The following SEMA5A variants were observed in gnomAD, a reference collection of about 807,000 sequenced individuals.
SEMA5A encodes the protein semaphorin 5A.
In SEMA5A, 55 loss-of-function variants were observed where a neutral mutation model predicts 135.5. The observed-to-expected ratio is 0.41, with a 90% CI of 0.33 to 0.51. The LOEUF is 0.51. Among genes scored for constraint, SEMA5A ranks in the 20% least tolerant of loss-of-function variants. The pLI is 0.37. For missense variants in SEMA5A, 1,290 were observed against 1,419.9 expected (o/e 0.91, Z 1.47); for synonymous variants, 580 against 546.5 (o/e 1.06, Z -0.85).
chr5:9,156,793 T>C (rs981154099), intron 11 of SEMA5A, among the ~76,000 whole-genome samples: 4 of 152,242 alleles, frequency 2.6e-5, no homozygotes, highest in African/African-American at 9.6e-5. Flanking sequence ...TTATTATTTA[T>C]TTTGTTGAAG....
intron 1 of SEMA5A, among the ~76,000 whole-genome samples, chr5:9,541,166 C>T (rs3798088): frequency 0.82 from 124,483 of 152,130 alleles, 50,987 homozygotes; most frequent in Middle Eastern, 0.85. Flanking sequence ...CTATAACTTA[C>T]TTAATTTCAC....
intron 16 of SEMA5A, among the ~76,000 whole-genome samples, chr5:9,077,715 C>T (rs958268226): frequency 2.0e-5 from 3 of 152,342 alleles, no homozygotes; most frequent in African/African-American, 7.2e-5. Context: ...GGGTAACTGA[C>T]ACCCTCACTG....
At chr5:9,448,985 T>G (rs777478348) in intron 1 of SEMA5A, among the ~76,000 whole-genome samples, 1 of 152,214 alleles carries the variant, frequency 6.6e-6, no homozygotes, top group Non-Finnish European at 1.5e-5. Flanking sequence ...CGTAAATTAA[T>G]TCAACCATTT....
intron 3 of SEMA5A, among the ~76,000 whole-genome samples, chr5:9,363,104 A>C (rs1754767622): frequency 6.6e-6 from 1 of 152,208 alleles, no homozygotes. Flanking sequence ...TGTTCATGAG[A>C]TCTTATAACC....
chr5:9,233,330 G>C (rs1747734092), intron 6 of SEMA5A, among the ~76,000 whole-genome samples: 1 of 152,174 alleles, frequency 6.6e-6, no homozygotes, highest in African/African-American at 2.4e-5. Flanking sequence ...GACTATTTGT[G>C]TTTAAAATAA....
At chr5:9,221,440 C>G (rs886683222) in intron 8 of SEMA5A, among the ~76,000 whole-genome samples, 1 of 150,658 alleles carries the variant, frequency 6.6e-6, no homozygotes, top group African/African-American at 2.4e-5. Flanking sequence ...GTAGCTGGGA[C>G]TACAGGCGCC....
In SEMA5A at chr5:9,166,277, G is replaced by A. The variant is rs79844698; in HGVS notation, c.1274-11582C>T. 5.9e-5 allele frequency among the ~76,000 whole-genome samples: 9 copies of A among 152,208 alleles called. No homozygotes were observed. The East Asian group carries it at 1.7e-3, about 30-fold the overall frequency. On this transcript the variant is annotated intron_variant, in intron 11 of 22. Transcript: ENST00000382496. ...CTGGCACATAGTAGGTGCTCAAGCAGAGACATGTTCATTGTGTGGCCTCTG... is the reference window on the plus strand; with the variant it reads ...CTGGCACATAGTAGGTGCTCAAGCAAAGACATGTTCATTGTGTGGCCTCTG...
At chr5:9,265,507 G>C (rs1268271343) in intron 5 of SEMA5A, 5 of 456,300 alleles carry the variant, frequency 1.1e-5, no homozygotes, top group Non-Finnish European at 2.2e-5. Context: ...CTCCCATGTG[G>C]CTTTGTGTGG....
chr5:9,357,718 G>A (rs1754515457), intron 3 of SEMA5A, among the ~76,000 whole-genome samples: 2 of 152,156 alleles, frequency 1.3e-5, no homozygotes, highest in Non-Finnish European at 2.9e-5. Context: ...ATCAAGGCGG[G>A]AAGCCCCAGG....
chr5:9,058,937 G>A (rs1349241647), intron 18 of SEMA5A, among the ~76,000 whole-genome samples: 1 of 152,172 alleles, frequency 6.6e-6, no homozygotes, highest in Non-Finnish European at 1.5e-5. Flanking sequence ...AGGACTCCAA[G>A]AATGCAAAGG....
chr5:9,123,950 G>A lies in SEMA5A; in HGVS notation c.1600-1113C>T, dbSNP rs571677437. ...GCTCACAAGGTCTGGGAAGAGCAAC[G>A]AGGAGCCTGTGTTGAGTCTTAAAAA... On this transcript the variant is annotated intron_variant, in intron 13 of 22. Coordinates refer to ENST00000382496, the MANE Select transcript of SEMA5A (RefSeq NM_003966.3). 1.3e-3 allele frequency among the ~76,000 whole-genome samples: 198 copies of A among 152,238 alleles called. 2 individuals are homozygous for A. Among genetic ancestry groups the A allele is most frequent in the African/African-American group, 4.6e-3 (190 of 41,556 alleles).
At chr5:9,528,025 T>G (rs546058089) in intron 1 of SEMA5A, among the ~76,000 whole-genome samples, 1 of 152,338 alleles carries the variant, frequency 6.6e-6, no homozygotes. Flanking sequence ...CATTTGCACG[T>G]AGCATTTCCT....
At chr5:9,464,097 C>T (rs1759164140) in intron 1 of SEMA5A, among the ~76,000 whole-genome samples, 1 of 152,116 alleles carries the variant, frequency 6.6e-6, no homozygotes, top group Admixed American at 6.5e-5. Flanking sequence ...TGGTCTCTAC[C>T]CACAAGACAC....
chr5:9,412,933 A>G (rs79895940), intron 2 of SEMA5A, among the ~76,000 whole-genome samples: 1 of 152,156 alleles, frequency 6.6e-6, no homozygotes, highest in Non-Finnish European at 1.5e-5. Flanking sequence ...ATACTTCATT[A>G]CCATGGCAAA....
At chr5:9,510,185 T>G (rs1436581473) in intron 1 of SEMA5A, among the ~76,000 whole-genome samples, 1 of 152,218 alleles carries the variant, frequency 6.6e-6, no homozygotes, top group African/African-American at 2.4e-5. Flanking sequence ...CCCAGAAGTC[T>G]CACCTATTCA....
At chr5:9,056,783 C>A (rs371371346) in intron 18 of SEMA5A, among the ~76,000 whole-genome samples, 305 of 152,230 alleles carry the variant, frequency 2.0e-3, no homozygotes, top group African/African-American at 7.0e-3. Context: ...GGGTATATAT[C>A]AAAAAAACTG....
At chr5:9,511,146 C>T (rs1045424173) in intron 1 of SEMA5A, among the ~76,000 whole-genome samples, 1 of 152,148 alleles carries the variant, frequency 6.6e-6, no homozygotes, top group Non-Finnish European at 1.5e-5. Context: ...TACAATGAAT[C>T]ATTATAATAT....
chr5:9,193,628 G>A (rs1022611921), intron 10 of SEMA5A, among the ~76,000 whole-genome samples: 7 of 152,064 alleles, frequency 4.6e-5, no homozygotes, highest in East Asian at 1.9e-4. Flanking sequence ...GGCCGGGGGC[G>A]GTGGCTCACA....
chr5:9,262,325 G>T, intron 5 of SEMA5A, among the ~76,000 whole-genome samples: 1 of 103,094 alleles, frequency 9.7e-6, no homozygotes, highest in Non-Finnish European at 1.9e-5. Flanking sequence ...AACCATTGTG[G>T]AAGTCAGTGT....
Sources: gnomAD v4.1 joint callset for allele counts (sites outside exome capture counted in the v4.1 genomes callset) on GRCh38, gnomAD v4.1.1 for gene constraint, MANE v1.5 for transcripts, NCBI Gene and HGNC (gene_info 2026-07-23, HGNC 2026-07-21) for gene names.